The following THRB variants were observed in gnomAD, a reference collection of about 807,000 sequenced individuals.
The protein encoded by THRB is nuclear receptor subfamily 1 group A member 2.
THRB carries 12 observed loss-of-function variants against 47.8 expected under a neutral mutation model. That is an observed-to-expected ratio of 0.25 (90% CI 0.16 to 0.41). THRB has a LOEUF of 0.41. THRB is among the 10% of genes least tolerant of loss of function. THRB has a pLI of 1.00. For missense variants in THRB, 348 were observed against 589.2 expected, an observed-to-expected ratio of 0.59 and a Z score of 4.24; for synonymous variants, 218 against 212.2, an observed-to-expected ratio of 1.03 and a Z score of -0.24.
At chr3:24,258,210 G>A (rs1382482126) in intron 3 of THRB, among the ~76,000 whole-genome samples, 1 of 152,124 alleles carries the variant, frequency 6.6e-6, no homozygotes, top group African/African-American at 2.4e-5. Context: ...GTTAAAAAGG[G>A]CACCCAGCAA....
intron 1 of THRB, among the ~76,000 whole-genome samples, chr3:24,479,504 T>C (rs981788556): frequency 7.2e-5 from 11 of 151,980 alleles, no homozygotes; most frequent in African/African-American, 2.7e-4. Flanking sequence ...CCATGACCAG[T>C]AGGCTGTCTC....
chr3:24,205,600 C>T (rs2045236494), intron 4 of THRB, among the ~76,000 whole-genome samples: 1 of 152,142 alleles, frequency 6.6e-6, no homozygotes, highest in Non-Finnish European at 1.5e-5. Context: ...AACTAACGAG[C>T]AAAATAACCA....
chr3:24,442,954 G>A lies in THRB; in HGVS notation c.-261+51698C>T, dbSNP rs188295144. ...TCCCAGCATTCTGGGAGGCCGAGGC[G>A]GGTGGATCACTAGGTCAGGAGATCG... On this transcript the variant is annotated intron_variant, in intron 1 of 10. Coordinates refer to ENST00000646209, the MANE Select transcript of THRB (RefSeq NM_001354712.2). 8.5e-3 allele frequency among the ~76,000 whole-genome samples: 1,293 copies of A among 151,676 alleles called. 19 individuals are homozygous for A. Among genetic ancestry groups the A allele is most frequent in the African/African-American group, 0.03 (1,245 of 41,492 alleles).
At chr3:24,199,074 C>A (rs1348382056) in intron 4 of THRB, among the ~76,000 whole-genome samples, 1 of 152,146 alleles carries the variant, frequency 6.6e-6, no homozygotes, top group African/African-American at 2.4e-5. Flanking sequence ...AAAATTACTA[C>A]CAACTGAACA....
At chr3:24,471,823 A>T (rs1260459482) in intron 1 of THRB, among the ~76,000 whole-genome samples, 1 of 152,208 alleles carries the variant, frequency 6.6e-6, no homozygotes, top group Non-Finnish European at 1.5e-5. Flanking sequence ...TACACCACGG[A>T]AGACTTACTT....
chr3:24,472,230 T>C (rs868444849), intron 1 of THRB, among the ~76,000 whole-genome samples: 1 of 152,334 alleles, frequency 6.6e-6, no homozygotes, highest in Non-Finnish European at 1.5e-5. Context: ...ATATCAATAC[T>C]ACTGTGTCTA....
At chr3:24,357,559 A>G (rs1485266933) in intron 1 of THRB, among the ~76,000 whole-genome samples, 1 of 152,002 alleles carries the variant, frequency 6.6e-6, no homozygotes. Flanking sequence ...GCATACACAT[A>G]CATATATACC....
chr3:24,482,297 A>G (rs1355159037), intron 1 of THRB, among the ~76,000 whole-genome samples: 3 of 152,152 alleles, frequency 2.0e-5, no homozygotes, highest in Non-Finnish European at 4.4e-5. Context: ...ATCTCATGTA[A>G]TTTCTTCCAC....
At chr3:24,340,394 C>T (rs2149450634) in intron 1 of THRB, among the ~76,000 whole-genome samples, 1 of 151,804 alleles carries the variant, frequency 6.6e-6, no homozygotes, top group South Asian at 2.1e-4. Flanking sequence ...CCTCTTCCAC[C>T]TTCTTTTCTC....
chr3:24,291,324 G>C (rs1320390266), intron 3 of THRB, among the ~76,000 whole-genome samples: 2 of 152,166 alleles, frequency 1.3e-5, no homozygotes, highest in Non-Finnish European at 2.9e-5. Flanking sequence ...ACAGGGCTCT[G>C]CCTAGACATA....
intron 1 of THRB, among the ~76,000 whole-genome samples, chr3:24,469,268 G>A (rs1294800833): frequency 6.6e-6 from 1 of 152,200 alleles, no homozygotes; most frequent in South Asian, 2.1e-4. Context: ...TGGATTTCTG[G>A]GCTCATAGCA....
At chr3:24,292,331 T>G (rs574256403) in intron 3 of THRB, among the ~76,000 whole-genome samples, 1 of 152,358 alleles carries the variant, frequency 6.6e-6, no homozygotes, top group South Asian at 2.1e-4. Flanking sequence ...AAACATGGAT[T>G]GCTTTTACTA....
At chr3:24,175,494 A>C (rs1444801770) in intron 5 of THRB, among the ~76,000 whole-genome samples, 1 of 152,258 alleles carries the variant, frequency 6.6e-6, no homozygotes, top group East Asian at 1.9e-4. Flanking sequence ...CAAAAGAAAA[A>C]TGCACATATA....
intron 5 of THRB, among the ~76,000 whole-genome samples, chr3:24,184,777 A>G (rs2149514125): frequency 6.6e-6 from 1 of 152,298 alleles, no homozygotes; most frequent in Middle Eastern, 3.4e-3. Context: ...ATGTATGATG[A>G]GTGGGGCAGA....
intron 1 of THRB, among the ~76,000 whole-genome samples, chr3:24,390,450 G>A (rs2066474852): frequency 2.0e-5 from 3 of 152,212 alleles, no homozygotes; most frequent in Admixed American, 2.0e-4. Context: ...CCAGCTCTTT[G>A]ATAAATGTGT....
intron 1 of THRB, among the ~76,000 whole-genome samples, chr3:24,354,501 T>C (rs1455458597): frequency 6.6e-6 from 1 of 152,168 alleles, no homozygotes; most frequent in East Asian, 1.9e-4. Context: ...TTCTTGTCTA[T>C]ATTGGGAAAG....
chr3:24,237,298 C>G (rs2048971725), intron 3 of THRB, among the ~76,000 whole-genome samples: 1 of 152,198 alleles, frequency 6.6e-6, no homozygotes, highest in East Asian at 1.9e-4. Context: ...TTCAGATTTT[C>G]AGGCAGTCTC....
Position 24,321,585 on chromosome 3 carries a change from G to T in THRB, c.-189+15715C>A, listed in dbSNP as rs538052035. 4.6e-5 allele frequency among the ~76,000 whole-genome samples: 7 copies of T among 151,956 alleles called. 1 individual carries two copies. Among genetic ancestry groups the T allele is most frequent in the South Asian group, 2.1e-4 (1 of 4,824 alleles). Reference sequence around the variant, plus strand: ...GGAGGGTCTAAGACGGGCTTCTAAGGTTTCATAAATTCCTTGAAAATTTAT... The same window carrying T: ...GGAGGGTCTAAGACGGGCTTCTAAGTTTTCATAAATTCCTTGAAAATTTAT... On this transcript the variant is annotated intron_variant, in intron 2 of 10. Coordinates refer to ENST00000646209, the MANE Select transcript of THRB (RefSeq NM_001354712.2).
At chr3:24,216,626 A>T (rs921875629) in intron 4 of THRB, among the ~76,000 whole-genome samples, 6 of 151,982 alleles carry the variant, frequency 3.9e-5, no homozygotes, top group Non-Finnish European at 8.8e-5. Flanking sequence ...AAATATATGA[A>T]TTGCTGTGTT....
Sources: allele counts gnomAD v4.1 joint callset (sites outside exome capture counted in the v4.1 genomes callset), GRCh38; gene constraint gnomAD v4.1.1; transcripts MANE v1.5; gene names NCBI Gene and HGNC (gene_info 2026-07-23, HGNC 2026-07-21).